The following KIAA1549 variants were observed in gnomAD, a reference collection of about 807,000 sequenced individuals.
The protein encoded by KIAA1549 is KIAA1549.
A neutral mutation model predicts 156.4 loss-of-function variants in KIAA1549; 70 were observed. That is an observed-to-expected ratio of 0.45 (90% confidence interval 0.37 to 0.55). The LOEUF (loss-of-function observed/expected upper bound fraction) is 0.55. Ranked by LOEUF, KIAA1549 falls within the 20% of genes least tolerant of loss-of-function variation. The probability of loss-of-function intolerance (pLI) is 0.00; values close to 1 mark genes in which losing one functional copy is unlikely to be tolerated. For synonymous variants in KIAA1549, 1,103 were observed against 1,066.4 expected (o/e 1.03, Z -0.67); for missense variants, 2,428 against 2,540.9 (o/e 0.96, Z 0.96).
intron 1 of KIAA1549, among the ~76,000 whole-genome samples, chr7:138,952,680 A>AT (rs1813536363): frequency 6.6e-6 from 1 of 152,116 alleles, no homozygotes; most frequent in Non-Finnish European, 1.5e-5. Context: ...CTAAAAATGT[A>AT]TTTTTCATGC....
chr7:138,970,791 C>T (rs1325892499), intron 1 of KIAA1549, among the ~76,000 whole-genome samples: 1 of 152,212 alleles, frequency 6.6e-6, no homozygotes, highest in Admixed American at 6.5e-5. Context: ...TCCATAAGAT[C>T]ATCTGTTTTG....
chr7:138,909,100 C>A lies in KIAA1549; in HGVS notation c.3167G>T (p.Ser1056Ile), dbSNP rs1353794929. 6.2e-7 allele frequency: 1 copy of A among 1,613,588 alleles called. No individual in the cohort carries two copies. Among genetic ancestry groups the A allele is most frequent in the Non-Finnish European group, 8.5e-7 (1 of 1,179,730 alleles). Residue 1056 changes from serine (S) to isoleucine (I), a missense_variant, in exon 5 of 20, where the codon AGT (serine) becomes ATT (isoleucine). This residue lies in a region of KIAA1549 where 762 missense variants were observed against 901.6 expected (regional missense o/e 0.85). Transcript: ENST00000422774. The stretch of plus-strand genomic sequence containing the variant: ...GAAGTTGCAGAAGCCAGTATCCACA[C>A]TCGGAGGCACAAACTGAAGTACTGA... ...VQTVLQFVPP[S>I]VDTGFCNFTQ...
chr7:138,875,862 C>T (rs1811070356), intron 12 of KIAA1549, among the ~76,000 whole-genome samples: 1 of 151,884 alleles, frequency 6.6e-6, no homozygotes, highest in Non-Finnish European at 1.5e-5. Context: ...GTGATGCAAT[C>T]ACAGATCACT....
At chr7:138,878,613 T>A (rs1440115499) in intron 12 of KIAA1549, among the ~76,000 whole-genome samples, 1 of 151,956 alleles carries the variant, frequency 6.6e-6, no homozygotes, top group Non-Finnish European at 1.5e-5. Flanking sequence ...TATACAAAAA[T>A]TAGCCAGGTG....
In KIAA1549 at chr7:138,869,637, T is replaced by C. The variant is rs1479245659; in HGVS notation, c.4676A>G (p.Lys1559Arg). Residue 1559 changes from lysine (K) to arginine (R), a missense_variant, in exon 14 of 20, where the codon AAG becomes AGG. Transcript: ENST00000422774. ...VVDDLSSGDT[K>R]ERHRVYRRAQ... is the part of the protein sequence containing the mutation. ...CCTGCGGTACACCCGGTGTCGCTCC[T>C]TAGTGTCGCCCGAGGACAGGTCGTC... is the stretch of plus-strand genomic sequence containing the variant. 3 of 1,610,946 alleles carry C rather than the reference T, an allele frequency of 1.9e-6. No individual in the cohort carries two copies. Among genetic ancestry groups the C allele is most frequent in the Non-Finnish European group, 2.5e-6 (3 of 1,179,408 alleles).
Position 138,861,477 on chromosome 7 carries a change from G to A in KIAA1549, c.4930-21C>T, listed in dbSNP as rs567986055. On this transcript the variant is annotated intron_variant, in intron 15 of 19. Coordinates refer to ENST00000422774, the MANE Select transcript of KIAA1549 (RefSeq NM_001164665.2). ...TCCGACTACAATGAGAAATGGCAAA[G>A]GAAGAATCACACATGAGTTTTTGTG... is the stretch of plus-strand genomic sequence containing the variant. 1.0e-4 allele frequency: 160 copies of A among 1,587,092 alleles called. 3 individuals carry two copies. The South Asian group carries it at 1.7e-3, about 17-fold the overall frequency.
At chr7:138,872,937 C>T (rs1055887347) in intron 12 of KIAA1549, among the ~76,000 whole-genome samples, 1 of 152,108 alleles carries the variant, frequency 6.6e-6, no homozygotes, top group Non-Finnish European at 1.5e-5. Context: ...AACTGATGCC[C>T]TTCTTCTAAT....
At chr7:138,854,087 G>A (rs1810309641) in intron 16 of KIAA1549, among the ~76,000 whole-genome samples, 1 of 152,106 alleles carries the variant, frequency 6.6e-6, no homozygotes, top group Non-Finnish European at 1.5e-5. Context: ...AAAAATGACA[G>A]ACAGAATTTC....
chr7:138,940,196 G>A (rs1813139272), intron 1 of KIAA1549, among the ~76,000 whole-genome samples: 1 of 151,638 alleles, frequency 6.6e-6, no homozygotes, highest in African/African-American at 2.4e-5. Context: ...CCCGGTGTGT[G>A]ATGTTCCCCT....
At chr7:138,878,868 G>C (rs1163908855) in intron 12 of KIAA1549, among the ~76,000 whole-genome samples, 1 of 152,028 alleles carries the variant, frequency 6.6e-6, no homozygotes, top group African/African-American at 2.4e-5. Context: ...AACAGCTGCA[G>C]TAGCACATCT....
chr7:138,848,715 T>C (rs1810151865), intron 17 of KIAA1549, among the ~76,000 whole-genome samples: 1 of 152,218 alleles, frequency 6.6e-6, no homozygotes, highest in Non-Finnish European at 1.5e-5. Context: ...GTGTTCTTTT[T>C]CTATTTTTTT....
At chr7:138,843,952 G>A (rs779872066) in intron 18 of KIAA1549, among the ~76,000 whole-genome samples, 1 of 152,184 alleles carries the variant, frequency 6.6e-6, no homozygotes, top group African/African-American at 2.4e-5. Flanking sequence ...CCCAGACTTT[G>A]AGAGTCGTTC....
At chr7:138,950,347 T>A (rs1287965133) in intron 1 of KIAA1549, among the ~76,000 whole-genome samples, 2 of 152,198 alleles carry the variant, frequency 1.3e-5, no homozygotes, top group East Asian at 3.8e-4. Context: ...TAACAAAGTT[T>A]GAAAGCCACT....
chr7:138,869,928 C>T (rs1375122484), intron 13 of KIAA1549, among the ~76,000 whole-genome samples, 167 bp from the exon 14 acceptor site: 1 of 152,194 alleles, frequency 6.6e-6, no homozygotes, highest in African/African-American at 2.4e-5. Context: ...CAGCTCGCTG[C>T]AACCTCCACT....
chr7:138,877,742 G>C (rs986466280), intron 12 of KIAA1549, among the ~76,000 whole-genome samples: 3 of 152,228 alleles, frequency 2.0e-5, no homozygotes, highest in Admixed American at 2.0e-4. Context: ...TGTAACAGCA[G>C]CATCTGAGCT....
intron 1 of KIAA1549, among the ~76,000 whole-genome samples, chr7:138,951,211 A>G (rs1813487875): frequency 6.6e-6 from 1 of 152,200 alleles, no homozygotes; most frequent in African/African-American, 2.4e-5. Flanking sequence ...GATTACAGGC[A>G]TGAGCCACCA....
At position 138,914,074 on chromosome 7, in the gene KIAA1549, G is replaced by C. The variant is rs538804538; in HGVS notation, c.2879-1614C>G. 5.0e-3 allele frequency among the ~76,000 whole-genome samples: 761 copies of C among 152,014 alleles called. 4 individuals carry two copies. The highest frequency in any genetic ancestry group is 0.01 in the Middle Eastern group (3 of 294). On this transcript the variant is annotated intron_variant, in intron 2 of 19. Coordinates refer to ENST00000422774, the MANE Select transcript of KIAA1549 (RefSeq NM_001164665.2). Reference sequence around the variant, plus strand: ...AGGGAGGGAGGCAAGAGCTAAACTCGGGGGAAACAGAGGCAGAATGGGAAG... The same window carrying C: ...AGGGAGGGAGGCAAGAGCTAAACTCCGGGGAAACAGAGGCAGAATGGGAAG...
In KIAA1549 at chr7:138,869,700, C is replaced by T; in HGVS notation, c.4613G>A (p.Arg1538His). The change falls in exon 14 of 20, where the codon CGC becomes CAC. Residue 1538 changes from arginine to histidine, a missense_variant. Transcript: ENST00000422774. ...IEHHRNKIRLRAKRRGHYEFP... is the reference protein window; with the variant it reads ...IEHHRNKIRLHAKRRGHYEFP... Reference sequence around the variant, plus strand: ...CTCGTAGTGCCCGCGGCGCTTGGCGCGCAGGCGGATCTTGTTGCGATGGTG... The same window carrying T: ...CTCGTAGTGCCCGCGGCGCTTGGCGTGCAGGCGGATCTTGTTGCGATGGTG... The T allele has an allele frequency of 6.2e-7, 1 of 1,612,232 alleles. No individual in the cohort carries two copies. Among genetic ancestry groups the T allele is most frequent in the Non-Finnish European group, 8.5e-7 (1 of 1,179,866 alleles).
rs112433946 is a variant in KIAA1549, at chr7:138,922,992, T to C, written c.188-3554A>G. The stretch of plus-strand genomic sequence containing the variant: ...GAAAAATCCAAACCTATACACATCA[T>C]GATACCATAGACCAAAGACAAAGAG... On this transcript the variant is annotated intron_variant, in intron 1 of 19. Coordinates refer to ENST00000422774, the MANE Select transcript of KIAA1549 (RefSeq NM_001164665.2). Among the ~76,000 whole-genome samples, 7 of 152,030 alleles carry C rather than the reference T, an allele frequency of 4.6e-5. 1 individual carries two copies. Among genetic ancestry groups the C allele is most frequent in the African/African-American group, 1.7e-4 (7 of 41,468 alleles).
Sources: gnomAD v4.1 joint callset for allele counts (sites outside exome capture counted in the v4.1 genomes callset) on GRCh38, gnomAD v4.1.1 for gene constraint, gnomAD v4.1.1 regional missense constraint, MANE v1.5 for transcripts, NCBI Gene and HGNC (gene_info 2026-07-23, HGNC 2026-07-21) for gene names.